The following CDH18 variants were observed in gnomAD, a reference collection of about 807,000 sequenced individuals.
The protein encoded by CDH18 is cadherin-18.
A neutral mutation model predicts 67.9 loss-of-function variants in CDH18; 31 were observed. That is an observed-to-expected ratio of 0.46 (90% confidence interval 0.34 to 0.62). The LOEUF (loss-of-function observed/expected upper bound fraction) is 0.62, where lower values mean the gene tolerates loss of function less well. CDH18 is among the 20% of genes least tolerant of loss of function. The pLI is 0.01. For synonymous variants in CDH18, 362 were observed against 347.2 expected (o/e 1.04, Z -0.48); for missense variants, 890 against 975.5 (o/e 0.91, Z 1.17).
At chr5:19,589,709 C>A (rs1744774912) in intron 7 of CDH18, among the ~76,000 whole-genome samples, 1 of 152,088 alleles carries the variant, frequency 6.6e-6, no homozygotes, top group Non-Finnish European at 1.5e-5. Flanking sequence ...TGGCAAAATT[C>A]AGCAAGGCCT....
Position 19,835,369 on chromosome 5 carries a change from G to A in CDH18, c.228+3390C>T, listed in dbSNP as rs901748306. Reference sequence around the variant, plus strand: ...AAAAAACACACACCAGGGCCTGTTGGGGGGTGGGGAGGGAACTTAGAAGAC... The same window carrying A: ...AAAAAACACACACCAGGGCCTGTTGAGGGGTGGGGAGGGAACTTAGAAGAC... On this transcript the variant is annotated intron_variant, in intron 3 of 12. Transcript: ENST00000382275. 1.9e-4 allele frequency among the ~76,000 whole-genome samples: 29 copies of A among 152,108 alleles called. No individual in the cohort carries two copies. In the East Asian group the frequency reaches 3.3e-3, roughly 17 times the overall value.
intron 11 of CDH18, among the ~76,000 whole-genome samples, chr5:19,492,359 A>G (rs1561188212): frequency 6.6e-6 from 1 of 152,182 alleles, no homozygotes; most frequent in Non-Finnish European, 1.5e-5. Flanking sequence ...TTGCACTTGC[A>G]TATTACAAAT....
chr5:20,449,561 A>G (rs980993851), intron 1 of CDH18, among the ~76,000 whole-genome samples: 7 of 152,038 alleles, frequency 4.6e-5, no homozygotes, highest in African/African-American at 1.7e-4. Context: ...TTAAAATATA[A>G]TACCCCCTTT....
chr5:20,029,339 G>A (rs1029980231), intron 2 of CDH18, among the ~76,000 whole-genome samples: 1 of 152,126 alleles, frequency 6.6e-6, no homozygotes, highest in Non-Finnish European at 1.5e-5. Flanking sequence ...AACAGGGTAA[G>A]AGACATTATA....
intron 2 of CDH18, among the ~76,000 whole-genome samples, chr5:19,939,061 T>C (rs375790366): frequency 1.3e-5 from 2 of 151,274 alleles, no homozygotes; most frequent in African/African-American, 2.4e-5. Context: ...TGAATTTATA[T>C]ACCAAGAAAG....
intron 1 of CDH18, among the ~76,000 whole-genome samples, chr5:19,986,624 G>C (rs1579957161): frequency 1.3e-5 from 2 of 152,278 alleles, no homozygotes; most frequent in African/African-American, 2.4e-5. Flanking sequence ...CCTATACCAG[G>C]TCAATTTATT....
intron 3 of CDH18, among the ~76,000 whole-genome samples, chr5:19,822,213 G>A (rs1561375636): frequency 6.6e-6 from 1 of 152,110 alleles, no homozygotes; most frequent in South Asian, 2.1e-4. Flanking sequence ...CCATCTTTTG[G>A]CTTCAAAAGG....
At chr5:19,804,952 T>TGA (rs1777880635) in intron 3 of CDH18, among the ~76,000 whole-genome samples, 1 of 32,764 alleles carries the variant, frequency 3.1e-5, no homozygotes, top group South Asian at 6.6e-4. Flanking sequence ...ATTATTATGA[T>TGA]TTTTTTTTTT....
At chr5:19,639,377 T>C (rs1395889085) in intron 5 of CDH18, among the ~76,000 whole-genome samples, 1 of 152,144 alleles carries the variant, frequency 6.6e-6, no homozygotes, top group East Asian at 1.9e-4. Flanking sequence ...AGGTTATTAG[T>C]AGCAGCCACT....
intron 2 of CDH18, among the ~76,000 whole-genome samples, chr5:20,131,225 CA>C (rs1448047854): frequency 2.6e-5 from 4 of 151,548 alleles, no homozygotes; most frequent in African/African-American, 7.3e-5. Context: ...CAAAACAAAA[CA>C]AAAAAACAGT....
intron 8 of CDH18, among the ~76,000 whole-genome samples, chr5:19,548,433 C>T (rs372131575): frequency 1.3e-5 from 2 of 151,762 alleles, no homozygotes; most frequent in Non-Finnish European, 2.9e-5. Context: ...TAATATAAAC[C>T]TTTGAGTATT....
intron 5 of CDH18, among the ~76,000 whole-genome samples, chr5:19,707,145 G>A (rs373210519): frequency 9.7e-4 from 147 of 152,104 alleles, no homozygotes; most frequent in African/African-American, 3.3e-3. Context: ...AGCTACCCAG[G>A]AAGAGGTTTT....
At chr5:20,111,516 T>G in intron 2 of CDH18, among the ~76,000 whole-genome samples, 3 of 94,526 alleles carry the variant, frequency 3.2e-5, no homozygotes, top group South Asian at 4.4e-4. Flanking sequence ...CTTCCCTCCC[T>G]CCCTCCCTCC....
chr5:20,344,526 C>G (rs1041316774), intron 1 of CDH18, among the ~76,000 whole-genome samples: 1 of 151,434 alleles, frequency 6.6e-6, no homozygotes, highest in East Asian at 1.9e-4. Flanking sequence ...ATAAGTACTC[C>G]CAGAGCAATA....
intron 2 of CDH18, among the ~76,000 whole-genome samples, chr5:20,109,504 G>T (rs1554091402): frequency 2.0e-5 from 3 of 152,162 alleles, no homozygotes; most frequent in Non-Finnish European, 4.4e-5. Context: ...GAGGAACGTG[G>T]CTCCGGGAAG....
At chr5:20,083,212 G>A (rs1744638911) in intron 2 of CDH18, among the ~76,000 whole-genome samples, 1 of 152,080 alleles carries the variant, frequency 6.6e-6, no homozygotes, top group Non-Finnish European at 1.5e-5. Context: ...TTTCTGGTTG[G>A]GGTTTAAAAG....
chr5:19,692,776 T>C (rs563798167), intron 5 of CDH18, among the ~76,000 whole-genome samples: 6 of 151,906 alleles, frequency 3.9e-5, no homozygotes, highest in Non-Finnish European at 8.8e-5. Flanking sequence ...TTATATACTC[T>C]TAGTTGGGAT....
chr5:19,902,879 G>A (rs1244319302), intron 2 of CDH18, among the ~76,000 whole-genome samples: 1 of 152,084 alleles, frequency 6.6e-6, no homozygotes, highest in Admixed American at 6.6e-5. Context: ...TAACTCTTAT[G>A]AAGCACCCCG....
intron 4 of CDH18, among the ~76,000 whole-genome samples, chr5:19,724,582 G>T (rs1281377074): frequency 6.6e-6 from 1 of 151,540 alleles, no homozygotes; most frequent in African/African-American, 2.4e-5. Flanking sequence ...ACGACAATCA[G>T]TAGCTCGTAC....
Sources: allele counts gnomAD v4.1 joint callset (sites outside exome capture counted in the v4.1 genomes callset), GRCh38; gene constraint gnomAD v4.1.1; transcripts MANE v1.5; gene names NCBI Gene and HGNC (gene_info 2026-07-23, HGNC 2026-07-21).